ZNF324B: variants seen among roughly 807,000 people sequenced by gnomAD.
The protein encoded by ZNF324B is zinc finger protein 324B.
A neutral mutation model predicts 10.6 loss-of-function variants in ZNF324B; 7 were observed. The observed-to-expected ratio is 0.66, with a 90% CI of 0.38 to 1.24. The LOEUF (loss-of-function observed/expected upper bound fraction) is 1.24, where lower values mean the gene tolerates loss of function less well. Ranked by LOEUF, ZNF324B falls within the 50% of genes most tolerant of loss-of-function variation. The pLI is 0.02. For missense variants in ZNF324B, 640 were observed against 764.7 expected, an observed-to-expected ratio of 0.84 and a Z score of 1.92; for synonymous variants, 316 against 321.0, an observed-to-expected ratio of 0.98 and a Z score of 0.17.
In ZNF324B at chr19:58,455,364, G is replaced by C; in HGVS notation, c.420G>C (p.Ser140=). 1 of 1,614,226 alleles carries C rather than the reference G, an allele frequency of 6.2e-7. No individual in the cohort carries two copies. Among genetic ancestry groups the C allele is most frequent in the Non-Finnish European group, 8.5e-7 (1 of 1,180,034 alleles). Residue 140 remains serine, a synonymous_variant, in exon 4 of 4, where the codon TCG becomes TCC. Coordinates refer to ENST00000336614, the MANE Select transcript of ZNF324B (RefSeq NM_207395.3). This position sits in a 1 kb window ranked among gnomAD's most constrained non-coding sequence, Gnocchi z 7.0. ...AGGAGAGAAAACCCACGGGGGTGTC[G>C]GTGATCTACTGGGAGAGGCTCCTGC... ...PSQERKPTGV[S]VIYWERLLLG... is the part of the protein sequence containing the mutation.
chr19:58,456,381 G>A lies in ZNF324B; in HGVS notation c.1437G>A (p.Lys479=), dbSNP rs759178955. 1 of 1,613,068 alleles carries A rather than the reference G, an allele frequency of 6.2e-7. No individual in the cohort carries two copies. Among genetic ancestry groups the A allele is most frequent in the Non-Finnish European group, 8.5e-7 (1 of 1,180,028 alleles). The part of the protein sequence containing the change: ...LSHRRIHTGE[K]PFVCTQCGRA... ...ACCGGCGCATTCACACGGGCGAGAAGCCCTTCGTGTGCACGCAGTGTGGCC... is the reference window on the plus strand; with the variant it reads ...ACCGGCGCATTCACACGGGCGAGAAACCCTTCGTGTGCACGCAGTGTGGCC... The change falls in exon 4 of 4, where the codon AAG becomes AAA. Residue 479 remains lysine (K), a synonymous_variant. Coordinates refer to ENST00000336614, the MANE Select transcript of ZNF324B (RefSeq NM_207395.3). The surrounding 1 kb of genome is among the most constrained non-coding windows in gnomAD (Gnocchi z 4.7).
the ZNF324B span, among the ~76,000 whole-genome samples, chr19:58,436,124 G>T: frequency 5.9e-5 from 9 of 152,048 alleles, no homozygotes; most frequent in Admixed American, 1.3e-4. Context: ...TCTAGGAAAC[G>T]TAAATCTATA....
chr19:58,446,573 C>CTCTCT, the ZNF324B span, among the ~76,000 whole-genome samples: 1,373 of 102,514 alleles, frequency 0.013, 110 homozygotes, highest in African/African-American at 0.055. Flanking sequence ...ATTTCTTTCT[C>CTCTCT]TTTTTTTTTT....
chr19:58,438,194 T>A, the ZNF324B span, among the ~76,000 whole-genome samples: 2 of 152,232 alleles, frequency 1.3e-5, no homozygotes, highest in African/African-American at 4.8e-5. Flanking sequence ...TATGCTTCAC[T>A]GTTGTCCTAG....
chr19:58,441,818 T>A, the ZNF324B span: 1 of 152,354 alleles, frequency 6.6e-6, no homozygotes, highest in East Asian at 1.9e-4. Flanking sequence ...TGTCTGCCCA[T>A]TGGCTTGGTG....
At chr19:58,427,349 C>CTTTCTTTCTTTCTCTTTCCTTTCTTT in the ZNF324B span, among the ~76,000 whole-genome samples, 1 of 55,960 alleles carries the variant, frequency 1.8e-5, no homozygotes, top group African/African-American at 6.6e-5. Flanking sequence ...CTTTCTCTTT[C>CTTTCTTTCTTTCTCTTTCCTTTCTTT]CTTTCTTTCT....
chr19:58,443,017 T>A, the ZNF324B span: 1 of 151,634 alleles, frequency 6.6e-6, no homozygotes, highest in Non-Finnish European at 1.5e-5. Flanking sequence ...TTGGTCCATT[T>A]TACAGAGCAC....
chr19:58,428,548 G>A, the ZNF324B span: 1 of 152,262 alleles, frequency 6.6e-6, no homozygotes, highest in Non-Finnish European at 1.5e-5. Context: ...ACTCACATAA[G>A]CCACTCCAGA....
At chr19:58,423,844 C>G in the ZNF324B span, among the ~76,000 whole-genome samples, 1 of 152,114 alleles carries the variant, frequency 6.6e-6, no homozygotes, top group Non-Finnish European at 1.5e-5. Context: ...AATCCAAAAA[C>G]TAGATATCCA....
Position 58,455,226 on chromosome 19 carries a change from G to T in ZNF324B, c.282G>T (p.Trp94Cys). The change falls in exon 4 of 4, where the codon TGG becomes TGT. Residue 94 changes from tryptophan to cysteine, a missense_variant. Around this residue, in one of 3 missense-constraint regions of ZNF324B, gnomAD observed 345 missense variants for 387.9 expected, o/e 0.89. Transcript: ENST00000336614. This position sits in a 1 kb window ranked among gnomAD's most constrained non-coding sequence, Gnocchi z 7.0. The part of the protein sequence containing the change: ...LTEDRDVSGE[W>C]PRAFPDTPPG... The stretch of plus-strand genomic sequence containing the variant: ...AGGATAGAGATGTTTCTGGAGAATG[G>T]CCACGAGCTTTCCCAGATACCCCAC... 1 of 1,614,188 alleles carries T rather than the reference G, an allele frequency of 6.2e-7. No homozygotes were observed. Among genetic ancestry groups the T allele is most frequent in the South Asian group, 1.1e-5 (1 of 91,080 alleles).
At chr19:58,451,237 G>C (rs1568602229), upstream of ZNF324B, among the ~76,000 whole-genome samples, 1 of 152,198 alleles carries the variant, frequency 6.6e-6, no homozygotes, top group Non-Finnish European at 1.5e-5. Flanking sequence ...ACCTACACCT[G>C]CCCTACCCGG....
chr19:58,433,982 C>T, the ZNF324B span: 1 of 1,614,198 alleles, frequency 6.2e-7, no homozygotes, highest in Non-Finnish European at 8.5e-7. Flanking sequence ...TCACAGCATT[C>T]AAAAGGCCGT....
the ZNF324B span, chr19:58,434,348 C>T: frequency 3.1e-6 from 5 of 1,614,216 alleles, no homozygotes; most frequent in South Asian, 2.2e-5. Flanking sequence ...TGAACTTTCT[C>T]ATGCCGAATG....
chr19:58,427,501 T>C, the ZNF324B span, among the ~76,000 whole-genome samples: 899 of 105,128 alleles, frequency 8.6e-3, 47 homozygotes, highest in African/African-American at 0.038. Context: ...TTCCTTTCTT[T>C]CTTTTTCTTT....
At chr19:58,450,705 G>C (rs565798642), upstream of ZNF324B, among the ~76,000 whole-genome samples, 2 of 152,308 alleles carry the variant, frequency 1.3e-5, no homozygotes, top group South Asian at 4.1e-4. Flanking sequence ...GGTGGGTATA[G>C]AGGAAGACAA....
At chr19:58,454,990 G>T in intron 3 of ZNF324B, 193 bp from the exon 4 acceptor site, 1 of 784,052 alleles carries the variant, frequency 1.3e-6, no homozygotes, top group South Asian at 1.5e-5. Context: ...AGTCCCCACT[G>T]CAGTCAGTGC....
the ZNF324B span, chr19:58,433,815 G>C: frequency 6.2e-7 from 1 of 1,614,042 alleles, no homozygotes; most frequent in South Asian, 1.1e-5. Context: ...CACTACACTC[G>C]TAAGGCTTTT....
the ZNF324B span, chr19:58,428,831 G>A: frequency 6.6e-6 from 1 of 152,210 alleles, no homozygotes; most frequent in Non-Finnish European, 1.5e-5. Context: ...ACCAATGATA[G>A]TTCCCACATA....
At chr19:58,427,364 TTC>T in the ZNF324B span, among the ~76,000 whole-genome samples, 1 of 38,706 alleles carries the variant, frequency 2.6e-5, no homozygotes, top group Non-Finnish European at 5.5e-5. Flanking sequence ...CTTTCTTTCT[TTC>T]TTTCTTTCTT....
Sources: gnomAD v4.1 joint callset for allele counts (sites outside exome capture counted in the v4.1 genomes callset) on GRCh38, gnomAD v4.1.1 for gene constraint, gnomAD v4.1.1 regional missense constraint, Gnocchi (gnomAD v3.1) non-coding constraint, MANE v1.5 for transcripts, NCBI Gene and HGNC (gene_info 2026-07-23, HGNC 2026-07-21) for gene names.